The following TMEM30A variants were observed in gnomAD, a reference collection of about 807,000 sequenced individuals.
TMEM30A encodes cell cycle control protein 50A.
A neutral mutation model predicts 38.2 loss-of-function variants in TMEM30A; 24 were observed. The ratio of observed to expected loss-of-function variants is 0.63; its 90% CI spans 0.46 to 0.88. The LOEUF (loss-of-function observed/expected upper bound fraction) is 0.88, where lower values mean the gene tolerates loss of function less well. Ranked by LOEUF, TMEM30A falls within the 40% of genes least tolerant of loss-of-function variation. TMEM30A has a pLI of 0.00. For missense variants in TMEM30A, 370 were observed against 458.6 expected, an observed-to-expected ratio of 0.81 and a Z score of 1.77; for synonymous variants, 145 against 161.6, an observed-to-expected ratio of 0.90 and a Z score of 0.78.
chr6:75,270,754 C>A (rs1275453637), intron 1 of TMEM30A, among the ~76,000 whole-genome samples: 1 of 152,192 alleles, frequency 6.6e-6, no homozygotes, highest in Non-Finnish European at 1.5e-5. Context: ...AAAAGTCATA[C>A]ATTTGCTTAA....
intron 1 of TMEM30A, among the ~76,000 whole-genome samples, chr6:75,281,151 T>C (rs1772351284): frequency 1.3e-5 from 2 of 152,120 alleles, no homozygotes; most frequent in Admixed American, 1.3e-4. Flanking sequence ...TTTTTAAACT[T>C]AGTCTGAATA....
At chr6:75,268,279 C>A (rs909737977) in intron 1 of TMEM30A, among the ~76,000 whole-genome samples, 1 of 152,180 alleles carries the variant, frequency 6.6e-6, no homozygotes, top group African/African-American at 2.4e-5. Flanking sequence ...ACAGAAGTAT[C>A]TTTGTTATTC....
intron 4 of TMEM30A, among the ~76,000 whole-genome samples, chr6:75,260,519 C>T (rs1413552568): frequency 6.6e-6 from 1 of 152,112 alleles, no homozygotes; most frequent in African/African-American, 2.4e-5. Context: ...AAATGATCAA[C>T]TATAGCTCCT....
intron 1 of TMEM30A, among the ~76,000 whole-genome samples, chr6:75,276,786 C>A (rs183396634): frequency 4.4e-4 from 67 of 152,292 alleles, no homozygotes; most frequent in Admixed American, 5.2e-4. Context: ...TCTTATAGTG[C>A]TTCATGTGAT....
rs1392952078 is a variant in TMEM30A, at chr6:75,253,737, T to C, written c.*2365A>G. 1 of 152,616 alleles carries C rather than the reference T, an allele frequency of 6.6e-6. No homozygotes were observed. The highest frequency in any genetic ancestry group is 2.4e-5 in the African/African-American group (1 of 41,452). The allele number at this position is 152,616 out of a possible 1,614,324, so 9.5% of individuals were successfully genotyped here. On this transcript the variant is annotated 3_prime_UTR_variant, in exon 7 of 7. Coordinates refer to ENST00000230461, the MANE Select transcript of TMEM30A (RefSeq NM_018247.4). ...GATATTCACTTGACTCTTCTCTTGG[T>C]TGAATGATTTTCTATTAATTAGTAG...
chr6:75,271,988 G>A (rs928216884), intron 1 of TMEM30A, among the ~76,000 whole-genome samples: 10 of 152,156 alleles, frequency 6.6e-5, no homozygotes, highest in Non-Finnish European at 1.3e-4. Flanking sequence ...GGTGGCATAT[G>A]GAGAAGACAG....
chr6:75,257,280 T>G (rs1187952966), intron 6 of TMEM30A, among the ~76,000 whole-genome samples: 1 of 152,164 alleles, frequency 6.6e-6, no homozygotes, highest in South Asian at 2.1e-4. Context: ...ATTCTAGTCT[T>G]TAGTTCCCAC....
chr6:75,266,516 T>A (rs1208904666), intron 2 of TMEM30A, among the ~76,000 whole-genome samples: 1 of 152,176 alleles, frequency 6.6e-6, no homozygotes, highest in Non-Finnish European at 1.5e-5. Flanking sequence ...CTACTTGAAG[T>A]TCCCTGAAGA....
At chr6:75,263,516 A>G (rs1301772296) in intron 3 of TMEM30A, among the ~76,000 whole-genome samples, 1 of 152,244 alleles carries the variant, frequency 6.6e-6, no homozygotes, top group Admixed American at 6.5e-5. Flanking sequence ...AATGAAGTAA[A>G]TATGTAAAGA....
rs62415690 is a variant in TMEM30A, at chr6:75,257,594, G to A, written c.892+1186C>T. 3.7e-3 allele frequency among the ~76,000 whole-genome samples: 570 copies of A among 152,260 alleles called. 1 individual carries two copies. The highest frequency in any genetic ancestry group is 6.0e-3 in the Non-Finnish European group (411 of 68,000). On this transcript the variant is annotated intron_variant, in intron 6 of 6. Coordinates refer to ENST00000230461, the MANE Select transcript of TMEM30A (RefSeq NM_018247.4). ...AGTTTGACTATCCCCTCAGGATAAT[G>A]TTATTTCTACCAGCACTTGAAGTGG...
Position 75,284,727 on chromosome 6 carries a change from T to TGCC in TMEM30A, c.-92_-90dup, listed in dbSNP as rs939720541. On this transcript the variant is annotated 5_prime_UTR_variant, in exon 1 of 7. Coordinates refer to ENST00000230461, the MANE Select transcript of TMEM30A (RefSeq NM_018247.4). ...CTGACAGGAACCGCTCGAGCGCCGC[T>TGCC]GCCGCCGCCGCCGCCGCAGCCACCA... The TGCC allele has an allele frequency of 1.0e-4, 141 of 1,355,038 alleles. No homozygotes were observed. The highest frequency in any genetic ancestry group is 6.1e-4 in the Middle Eastern group (3 of 4,940). 83.9% of individuals were successfully genotyped at this position (1,355,038 alleles called of 1,614,324 possible).
chr6:75,284,788 A>T lies in TMEM30A; in HGVS notation c.-150T>A, dbSNP rs1772440979. 1 of 741,976 alleles carries T rather than the reference A, an allele frequency of 1.3e-6. No individual in the cohort carries two copies. Among genetic ancestry groups the T allele is most frequent in the African/African-American group, 1.7e-5 (1 of 57,480 alleles). The allele number at this position is 741,976 out of a possible 1,614,324, so 46.0% of individuals were successfully genotyped here. A position where few individuals can be genotyped will look rare whatever the true frequency, so the allele number is the denominator to read the frequency against. On this transcript the variant is annotated 5_prime_UTR_variant, in exon 1 of 7. Transcript: ENST00000230461. Reference sequence around the variant, plus strand: ...CACAGCCACCTCCGCTGTAGAGCGGAAGAGGCGGGACACTCTTCCGCCAAA... The same window carrying T: ...CACAGCCACCTCCGCTGTAGAGCGGTAGAGGCGGGACACTCTTCCGCCAAA...
In TMEM30A at chr6:75,256,042, C is replaced by A; in HGVS notation, c.*60G>T. 8.3e-7 allele frequency: 1 copy of A among 1,207,218 alleles called. No individual in the cohort carries two copies. The allele number at this position is 1,207,218 out of a possible 1,614,324, so 74.8% of individuals were successfully genotyped here. On this transcript the variant is annotated 3_prime_UTR_variant, in exon 7 of 7. Coordinates refer to ENST00000230461, the MANE Select transcript of TMEM30A (RefSeq NM_018247.4). ...CTAACCAGATATCAGCATTCGAAAG[C>A]TAGGTTGAATAGGACTGGCCTTGAT...
At chr6:75,259,279 T>G in intron 5 of TMEM30A, 68 bp downstream of exon 5, 2 of 1,494,874 alleles carry the variant, frequency 1.3e-6, no homozygotes, top group Non-Finnish European at 1.8e-6. Flanking sequence ...ATTCTGAAGA[T>G]AGAAAATTTA....
At chr6:75,256,852 G>C in intron 6 of TMEM30A, 1 of 446,602 alleles carries the variant, frequency 2.2e-6, no homozygotes, top group Admixed American at 2.5e-5. Flanking sequence ...ATAGCTAACA[G>C]TGGCAGTGAA....
chr6:75,262,826 G>T (rs896251399), intron 3 of TMEM30A, among the ~76,000 whole-genome samples: 2 of 152,184 alleles, frequency 1.3e-5, no homozygotes, highest in African/African-American at 4.8e-5. Flanking sequence ...ACTATCATAC[G>T]AAATAAGAGC....
At chr6:75,278,853 G>A (rs562979917) in intron 1 of TMEM30A, among the ~76,000 whole-genome samples, 55 of 151,980 alleles carry the variant, frequency 3.6e-4, no homozygotes, top group Admixed American at 1.5e-3. Context: ...CCACTAGATC[G>A]TTGTTCATAT....
chr6:75,280,522 G>T (rs141441910), intron 1 of TMEM30A, among the ~76,000 whole-genome samples: 102 of 152,186 alleles, frequency 6.7e-4, no homozygotes, highest in Middle Eastern at 6.8e-3. Context: ...GAGAAGAATG[G>T]AAATTTTGGA....
intron 1 of TMEM30A, among the ~76,000 whole-genome samples, chr6:75,268,400 A>G (rs929284049): frequency 1.3e-5 from 2 of 152,232 alleles, no homozygotes; most frequent in African/African-American, 4.8e-5. Flanking sequence ...GGCCCAGCCC[A>G]ATCTCTTAGG....
Sources: allele counts gnomAD v4.1 joint callset (sites outside exome capture counted in the v4.1 genomes callset), GRCh38; gene constraint gnomAD v4.1.1; transcripts MANE v1.5; gene names NCBI Gene and HGNC (gene_info 2026-07-23, HGNC 2026-07-21).